FGF14: variants seen among roughly 807,000 people sequenced by gnomAD.
The protein encoded by FGF14 is fibroblast growth factor 14, also known as fibroblast growth factor homologous factor 4.
In FGF14, 5 loss-of-function variants were observed where a neutral mutation model predicts 25.5. The ratio of observed to expected loss-of-function variants is 0.20; its 90% confidence interval spans 0.10 to 0.41. The LOEUF is 0.41. Among genes scored for constraint, FGF14 ranks in the 10% least tolerant of loss-of-function variants. FGF14 has a pLI of 1.00. For synonymous variants in FGF14, 138 were observed against 118.3 expected (o/e 1.17, Z -1.08); for missense variants, 222 against 320.1 (o/e 0.69, Z 2.34).
At chr13:101,739,997 T>C (rs1338177663) in intron 3 of FGF14, among the ~76,000 whole-genome samples, 3 of 152,156 alleles carry the variant, frequency 2.0e-5, no homozygotes, top group East Asian at 1.9e-4. Context: ...TAAAAGAACA[T>C]TGTGAAACTC....
At chr13:102,104,768 A>C (rs1216348091) in intron 1 of FGF14, among the ~76,000 whole-genome samples, 2 of 152,314 alleles carry the variant, frequency 1.3e-5, no homozygotes, top group East Asian at 3.9e-4. Context: ...CCTGGACAAC[A>C]GAACGAGACC....
At chr13:102,394,641 C>A (rs576770208) in intron 1 of FGF14, 1 of 152,448 alleles carries the variant, frequency 6.6e-6, no homozygotes, top group South Asian at 2.1e-4. Flanking sequence ...CGTAGCGAAG[C>A]CCCCGGCGAG....
At chr13:101,976,104 A>G (rs1406873373) in intron 1 of FGF14, among the ~76,000 whole-genome samples, 1 of 135,532 alleles carries the variant, frequency 7.4e-6, no homozygotes, top group African/African-American at 2.9e-5. Flanking sequence ...AGAGTTATAC[A>G]ATATGTCATT....
chr13:102,040,965 C>T (rs1365197515), intron 1 of FGF14, among the ~76,000 whole-genome samples: 1 of 151,994 alleles, frequency 6.6e-6, no homozygotes, highest in East Asian at 1.9e-4. Context: ...CAGATTGGTG[C>T]ACCTGTTGAG....
At chr13:102,223,098 T>C (rs1445830067) in intron 1 of FGF14, among the ~76,000 whole-genome samples, 2 of 152,110 alleles carry the variant, frequency 1.3e-5, no homozygotes, top group African/African-American at 4.8e-5. Context: ...GTTCCAAATA[T>C]AGGTTTCAAA....
chr13:102,136,661 G>GAA (rs1350887640), intron 1 of FGF14, among the ~76,000 whole-genome samples: 3 of 142,852 alleles, frequency 2.1e-5, no homozygotes, highest in Non-Finnish European at 1.5e-5. Context: ...AATTCTATGG[G>GAA]AAAAAAAAAA....
intron 1 of FGF14, among the ~76,000 whole-genome samples, chr13:102,360,485 T>G (rs1377522956): frequency 6.6e-6 from 1 of 152,148 alleles, no homozygotes; most frequent in Non-Finnish European, 1.5e-5. Flanking sequence ...AGCTTGACTG[T>G]GTCCATTAAA....
At chr13:102,251,187 T>G (rs1203502449) in intron 1 of FGF14, among the ~76,000 whole-genome samples, 1 of 152,174 alleles carries the variant, frequency 6.6e-6, no homozygotes, top group Non-Finnish European at 1.5e-5. Context: ...CACTACTCAT[T>G]GGTATGGTAT....
intron 1 of FGF14, among the ~76,000 whole-genome samples, chr13:102,323,656 G>A (rs754865182): frequency 2.6e-5 from 4 of 152,012 alleles, no homozygotes; most frequent in Admixed American, 6.6e-5. Flanking sequence ...TTTACCAGAC[G>A]TCCCTCTATA....
At chr13:102,099,216 G>C (rs2044545220) in intron 1 of FGF14, among the ~76,000 whole-genome samples, 1 of 152,184 alleles carries the variant, frequency 6.6e-6, no homozygotes, top group Non-Finnish European at 1.5e-5. Flanking sequence ...AATGGACACA[G>C]AGAGAAGATA....
At chr13:102,207,308 G>GA (rs1325827733) in intron 1 of FGF14, among the ~76,000 whole-genome samples, 1 of 149,884 alleles carries the variant, frequency 6.7e-6, no homozygotes. Flanking sequence ...ATAAAAGAAA[G>GA]AAAAAAAGAA....
chr13:102,359,893 G>A (rs549370448), intron 1 of FGF14, among the ~76,000 whole-genome samples: 11 of 150,516 alleles, frequency 7.3e-5, no homozygotes, highest in Admixed American at 2.0e-4. Context: ...ATAATTTGCT[G>A]TGTTTACAAT....
At position 102,205,984 on chromosome 13, in the gene FGF14, T is replaced by TAAAAAAAAA. The variant is rs36108366; in HGVS notation, c.208+195478_208+195486dup. ...AGGTAGCTCAAGAAGCTCCCTGTGGTAAAAAAAAAAAAAAAAAAAAAAAAA... is the reference window on the plus strand; with the variant it reads ...AGGTAGCTCAAGAAGCTCCCTGTGGTAAAAAAAAAAAAAAAAAAAAAAAAAAAAAAAAAA... On this transcript the variant is annotated intron_variant, in intron 1 of 4. Transcript: ENST00000376131. 1.3e-4 allele frequency among the ~76,000 whole-genome samples: 6 copies of TAAAAAAAAA among 47,462 alleles called. 1 individual carries two copies. The highest frequency in any genetic ancestry group is 1.6e-4 in the Non-Finnish European group (4 of 25,216). The allele number at this position is 47,462 out of a possible 152,430, so 31.1% of individuals were successfully genotyped here.
intron 1 of FGF14, among the ~76,000 whole-genome samples, chr13:101,876,616 T>C (rs746397001): frequency 6.6e-6 from 1 of 152,152 alleles, no homozygotes; most frequent in Non-Finnish European, 1.5e-5. Flanking sequence ...TTTTGGAAAA[T>C]AATGCACGAA....
chr13:101,874,902 A>G (rs986416777), intron 2 of FGF14, among the ~76,000 whole-genome samples: 1 of 152,140 alleles, frequency 6.6e-6, no homozygotes, highest in Admixed American at 6.6e-5. Flanking sequence ...AACTTTTACA[A>G]TAATAAGATT....
intron 1 of FGF14, among the ~76,000 whole-genome samples, chr13:102,388,067 T>G (rs1194024195): frequency 6.6e-6 from 1 of 152,130 alleles, no homozygotes; most frequent in Non-Finnish European, 1.5e-5. Context: ...CATCCTCCTC[T>G]CTTTCTCCAC....
chr13:102,336,457 A>T (rs1433999394), intron 1 of FGF14, among the ~76,000 whole-genome samples: 1 of 152,108 alleles, frequency 6.6e-6, no homozygotes, highest in East Asian at 1.9e-4. Context: ...AAGCTAAAAG[A>T]GGTTGATTCA....
chr13:102,339,188 C>A (rs961910981), intron 1 of FGF14, among the ~76,000 whole-genome samples: 1 of 151,802 alleles, frequency 6.6e-6, no homozygotes, highest in East Asian at 1.9e-4. Flanking sequence ...GAACATCTCA[C>A]GTACCCCATA....
At chr13:102,390,331 A>C (rs548298736) in intron 1 of FGF14, among the ~76,000 whole-genome samples, 69 of 152,344 alleles carry the variant, frequency 4.5e-4, no homozygotes, top group Non-Finnish European at 9.3e-4. Context: ...GTGCATTTTA[A>C]TGTATATAAA....
Sources: gnomAD v4.1 joint callset for allele counts (sites outside exome capture counted in the v4.1 genomes callset) on GRCh38, gnomAD v4.1.1 for gene constraint, MANE v1.5 for transcripts, NCBI Gene and HGNC (gene_info 2026-07-23, HGNC 2026-07-21) for gene names.